ADAMTSL1: variants seen among roughly 807,000 people sequenced by gnomAD.
ADAMTSL1 encodes ADAMTS-like protein 1.
Under a neutral mutation model 201.8 loss-of-function variants are expected in ADAMTSL1, and 126 were observed. The ratio of observed to expected loss-of-function variants is 0.62; its 90% CI spans 0.54 to 0.72. The LOEUF (loss-of-function observed/expected upper bound fraction) is 0.72. ADAMTSL1 is among the 30% of genes least tolerant of loss of function. ADAMTSL1 has a pLI of 0.00. For synonymous variants in ADAMTSL1, 1,121 were observed against 903.4 expected, an observed-to-expected ratio of 1.24 and a Z score of -4.32; for missense variants, 2,679 against 2,277.8, an observed-to-expected ratio of 1.18 and a Z score of -3.59.
intron 3 of ADAMTSL1, among the ~76,000 whole-genome samples, chr9:18,570,563 T>A (rs747464239): frequency 6.7e-6 from 1 of 149,510 alleles, no homozygotes; most frequent in Non-Finnish European, 1.5e-5. Flanking sequence ...TTCTGATTCA[T>A]TTACACTTAA....
chr9:17,941,481 A>C (rs1396364211), intron 1 of ADAMTSL1, among the ~76,000 whole-genome samples: 2 of 152,020 alleles, frequency 1.3e-5, no homozygotes, highest in Non-Finnish European at 2.9e-5. Flanking sequence ...AGAATCTATA[A>C]ATTTTCTTAG....
At chr9:18,675,362 A>C (rs1830076065) in intron 9 of ADAMTSL1, among the ~76,000 whole-genome samples, 1 of 152,200 alleles carries the variant, frequency 6.6e-6, no homozygotes, top group Non-Finnish European at 1.5e-5. Context: ...CCAAGAGAAG[A>C]AACCTAGCTA....
At chr9:18,886,166 G>GTATATATATATATATATATA (rs751978972) in intron 23 of ADAMTSL1, among the ~76,000 whole-genome samples, 1 of 37,138 alleles carries the variant, frequency 2.7e-5, no homozygotes, top group Non-Finnish European at 4.9e-5. Context: ...GTGTGTATGT[G>GTATATATATATATATATATA]TATATATATA....
At chr9:17,942,160 G>C (rs187346474) in intron 1 of ADAMTSL1, among the ~76,000 whole-genome samples, 63 of 152,260 alleles carry the variant, frequency 4.1e-4, no homozygotes, top group Non-Finnish European at 7.6e-4. Flanking sequence ...GGGGGATAGA[G>C]AGTTATTGTT....
intron 9 of ADAMTSL1, among the ~76,000 whole-genome samples, chr9:18,673,863 T>C (rs1221154720): frequency 6.6e-6 from 1 of 152,154 alleles, no homozygotes; most frequent in Non-Finnish European, 1.5e-5. Context: ...TAGATAACAG[T>C]GTATGTACAA....
At chr9:18,135,538 G>A (rs1316353465) in intron 1 of ADAMTSL1, among the ~76,000 whole-genome samples, 1 of 152,128 alleles carries the variant, frequency 6.6e-6, no homozygotes, top group Non-Finnish European at 1.5e-5. Flanking sequence ...GTGCATGCCT[G>A]TAGTCCCAGA....
intron 1 of ADAMTSL1, among the ~76,000 whole-genome samples, chr9:18,497,034 T>G (rs1315861884): frequency 6.6e-6 from 1 of 152,174 alleles, no homozygotes; most frequent in Non-Finnish European, 1.5e-5. Context: ...GGGGTGATTC[T>G]TCACTGTTTT....
At chr9:18,491,844 T>G (rs1822286158) in intron 1 of ADAMTSL1, among the ~76,000 whole-genome samples, 1 of 152,170 alleles carries the variant, frequency 6.6e-6, no homozygotes, top group Admixed American at 6.5e-5. Context: ...GCTGTACTAT[T>G]TACAGATAAT....
At chr9:18,504,251 C>T (rs1440406340) in intron 1 of ADAMTSL1, among the ~76,000 whole-genome samples, 4 of 152,100 alleles carry the variant, frequency 2.6e-5, no homozygotes, top group African/African-American at 9.7e-5. Context: ...GGAAATTTTC[C>T]TAGAAAGCCT....
Position 18,299,021 on chromosome 9 carries a change from A to AAAAT in ADAMTSL1, c.207+135042_207+135043insATAA, listed in dbSNP as rs1554652777. Among the ~76,000 whole-genome samples, 1,371 of 149,710 alleles carry AAAAT rather than the reference A, an allele frequency of 9.2e-3. 8 individuals are homozygous for AAAAT. Among genetic ancestry groups the AAAAT allele is most frequent in the Non-Finnish European group, 0.015 (986 of 67,526 alleles). On this transcript the variant is annotated intron_variant, in intron 2 of 29. Transcript: ENST00000680146. ...AGCCAGACTCCGTCTCAAAAAAAAAAAATAATAATAATAATAATAATAGCC... is the reference window on the plus strand; with the variant it reads ...AGCCAGACTCCGTCTCAAAAAAAAAAAAATAATAATAATAATAATAATAATAGCC...
intron 3 of ADAMTSL1, among the ~76,000 whole-genome samples, chr9:18,564,226 C>G (rs371714973): frequency 6.6e-6 from 1 of 152,214 alleles, no homozygotes; most frequent in Non-Finnish European, 1.5e-5. Context: ...CACCGTCCCT[C>G]GTGCACAGTG....
chr9:18,291,697 GCTCTCTCTCTCTCTCTCTTTCTCTCTCT>G (rs1485118769), intron 2 of ADAMTSL1, among the ~76,000 whole-genome samples: 1 of 132,514 alleles, frequency 7.5e-6, no homozygotes, highest in African/African-American at 3.1e-5. Flanking sequence ...GTGCGCACAT[GCTCTCTCTCTCTCTCTCTTTCTCTCTCT>G]CTCTCTCTCT....
In ADAMTSL1 at chr9:18,272,782, T is replaced by A. The variant is rs1400131276; in HGVS notation, c.207+108801T>A. 2.0e-5 allele frequency among the ~76,000 whole-genome samples: 3 copies of A among 152,170 alleles called. No homozygotes were observed. In the South Asian group the frequency reaches 6.2e-4, roughly 32 times the overall value. ...AGCAGACCTGGCCCTCTCTTAACCA[T>A]TTTTTCCACTCAATTTCCATCTCCT... On this transcript the variant is annotated intron_variant, in intron 2 of 29. Coordinates refer to the ADAMTSL1 transcript ENST00000680146.
At chr9:18,506,076 T>C (rs1388391993) in intron 2 of ADAMTSL1, among the ~76,000 whole-genome samples, 1 of 152,220 alleles carries the variant, frequency 6.6e-6, no homozygotes, top group Non-Finnish European at 1.5e-5. Flanking sequence ...ATTCTGATAT[T>C]TGGCCACTGT....
chr9:18,133,129 G>A (rs919616526), intron 1 of ADAMTSL1, among the ~76,000 whole-genome samples: 1 of 152,006 alleles, frequency 6.6e-6, no homozygotes, highest in Non-Finnish European at 1.5e-5. Context: ...AAGGGGCTAG[G>A]GTTCAGACTT....
intron 1 of ADAMTSL1, among the ~76,000 whole-genome samples, chr9:18,159,495 C>A (rs1033418290): frequency 6.6e-6 from 1 of 152,016 alleles, no homozygotes; most frequent in Non-Finnish European, 1.5e-5. Context: ...AACTTTATAG[C>A]TACGTGGAAT....
chr9:18,713,600 A>G (rs1437454952), intron 14 of ADAMTSL1, among the ~76,000 whole-genome samples: 1 of 150,654 alleles, frequency 6.6e-6, no homozygotes, highest in East Asian at 1.9e-4. Flanking sequence ...TTCATAAAGC[A>G]AGTCCTGAGT....
Position 18,785,426 on chromosome 9 carries a change from A to G in ADAMTSL1, c.3677+7520A>G, listed in dbSNP as rs183906434. On this transcript the variant is annotated intron_variant, in intron 19 of 28. Coordinates refer to ENST00000380548, the MANE Select transcript of ADAMTSL1 (RefSeq NM_001040272.6). ...TTCTTCTACTGATAGCGCTACCTTT[A>G]TATATACACATGTGTATGCAAATAT... 1.8e-4 allele frequency among the ~76,000 whole-genome samples: 27 copies of G among 152,358 alleles called. No individual in the cohort carries two copies. The East Asian group carries it at 5.2e-3, about 29-fold the overall frequency.
chr9:18,261,933 G>A (rs1488344375), intron 2 of ADAMTSL1, among the ~76,000 whole-genome samples: 1 of 152,140 alleles, frequency 6.6e-6, no homozygotes, highest in Non-Finnish European at 1.5e-5. Context: ...GGGCTGATGA[G>A]TCTCTACCAT....
Sources: allele counts gnomAD v4.1 joint callset (sites outside exome capture counted in the v4.1 genomes callset), GRCh38; gene constraint gnomAD v4.1.1; transcripts MANE v1.5; gene names NCBI Gene and HGNC (gene_info 2026-07-23, HGNC 2026-07-21).